The following ERC1 variants were observed in gnomAD, a reference collection of about 807,000 sequenced individuals.
The protein encoded by ERC1 is ELKS/RAB6-interacting/CAST family member 1, also known as RAB6 interacting protein 2.
In ERC1, 56 loss-of-function variants were observed where a neutral mutation model predicts 132.0. The ratio of observed to expected loss-of-function variants is 0.42; its 90% CI spans 0.34 to 0.53. ERC1 has a LOEUF of 0.53. Among genes scored for constraint, ERC1 ranks in the 20% least tolerant of loss-of-function variants. The probability of loss-of-function intolerance (pLI) is 0.03; values close to 1 mark genes in which losing one functional copy is unlikely to be tolerated. For synonymous variants in ERC1, 478 were observed against 476.1 expected (o/e 1.00, Z -0.05); for missense variants, 1,202 against 1,349.9 (o/e 0.89, Z 1.72).
At chr12:1,080,219 C>T (rs1941987679) in intron 2 of ERC1, among the ~76,000 whole-genome samples, 1 of 152,170 alleles carries the variant, frequency 6.6e-6, no homozygotes, top group African/African-American at 2.4e-5. Context: ...TCCCATCTAT[C>T]TCCAGAACTC....
chr12:1,303,074 T>G (rs2080535485), intron 15 of ERC1, among the ~76,000 whole-genome samples: 1 of 152,220 alleles, frequency 6.6e-6, no homozygotes, highest in Admixed American at 6.5e-5. Flanking sequence ...AAAATTCTCC[T>G]GATCATCTTG....
intron 8 of ERC1, among the ~76,000 whole-genome samples, chr12:1,165,463 G>A (rs1470200693): frequency 3.9e-5 from 6 of 151,942 alleles, no homozygotes; most frequent in South Asian, 4.2e-4. Flanking sequence ...CTGCCACCAT[G>A]CCCGGCGAAT....
At chr12:1,133,478 G>A (rs1333942250) in intron 7 of ERC1, among the ~76,000 whole-genome samples, 1 of 152,138 alleles carries the variant, frequency 6.6e-6, no homozygotes, top group African/African-American at 2.4e-5. Flanking sequence ...GGCTTGAGCT[G>A]TGCCTGAATG....
intron 17 of ERC1, among the ~76,000 whole-genome samples, chr12:1,432,228 C>A (rs1378231946): frequency 6.6e-6 from 1 of 152,220 alleles, no homozygotes; most frequent in Non-Finnish European, 1.5e-5. Context: ...GTGAAAGCAG[C>A]CATAGGCAAT....
Position 1,113,092 on chromosome 12 carries a change from C to T in ERC1, c.1401+794C>T, listed in dbSNP as rs756138090. Among the ~76,000 whole-genome samples, 87 of 152,016 alleles carry T rather than the reference C, an allele frequency of 5.7e-4. 1 individual carries two copies. The highest frequency in any genetic ancestry group is 3.1e-4 in the Non-Finnish European group (21 of 68,004). ...CATTGTAAATATTTACATTGTATTA[C>T]GTATTACAAGTAATCTAGAGATGAT... On this transcript the variant is annotated intron_variant, in intron 6 of 18. Coordinates refer to ENST00000360905, the MANE Select transcript of ERC1 (RefSeq NM_178040.4).
intron 15 of ERC1, among the ~76,000 whole-genome samples, chr12:1,364,729 G>A (rs1052850779): frequency 6.6e-6 from 1 of 152,086 alleles, no homozygotes; most frequent in Non-Finnish European, 1.5e-5. Context: ...AGTATATTTG[G>A]CACTTAGCAT....
chr12:1,384,861 C>T (rs928964246), intron 16 of ERC1, among the ~76,000 whole-genome samples: 3 of 152,088 alleles, frequency 2.0e-5, no homozygotes, highest in Admixed American at 6.6e-5. Flanking sequence ...TTCTTGGTCT[C>T]CCAGAAAATT....
At chr12:1,226,490 T>C (rs1197646660) in intron 12 of ERC1, among the ~76,000 whole-genome samples, 1 of 152,190 alleles carries the variant, frequency 6.6e-6, no homozygotes, top group Non-Finnish European at 1.5e-5. Context: ...TTATTAATTA[T>C]AGTCTACCAT....
chr12:1,252,345 A>G (rs951732617), intron 13 of ERC1, among the ~76,000 whole-genome samples: 1 of 152,152 alleles, frequency 6.6e-6, no homozygotes, highest in African/African-American at 2.4e-5. Context: ...TAAGGAAAAG[A>G]TATTTTTGGG....
chr12:1,445,147 G>T (rs913250757), intron 18 of ERC1: 1 of 159,696 alleles, frequency 6.3e-6, no homozygotes, highest in African/African-American at 2.4e-5. Flanking sequence ...TTTTGTGTGT[G>T]TGTGGTGAAA....
chr12:1,435,084 G>A (rs1195166471), intron 17 of ERC1, among the ~76,000 whole-genome samples: 5 of 152,204 alleles, frequency 3.3e-5, no homozygotes, highest in African/African-American at 1.2e-4. Context: ...CTCCCAAGGT[G>A]AGAGGGTTGA....
rs190388498 is a variant in ERC1 at position 1,042,459 on chromosome 12, C to T, written c.669+13887C>T. 3.4e-5 allele frequency among the ~76,000 whole-genome samples: 5 copies of T among 149,098 alleles called. No homozygotes were observed. In the East Asian group the frequency reaches 8.2e-4, roughly 24 times the overall value. ...CTCCCGGGTTCAACCGGTTCTCTTG[C>T]TTCAGCCTCCAGAGTAGCTGGGATT... On this transcript the variant is annotated intron_variant, in intron 2 of 18. Transcript: ENST00000360905.
intron 18 of ERC1, among the ~76,000 whole-genome samples, chr12:1,467,261 C>T (rs574806502): frequency 2.0e-5 from 3 of 152,192 alleles, no homozygotes; most frequent in South Asian, 4.2e-4. Context: ...TTCAGTGGTT[C>T]GGTTTGTTCC....
intron 8 of ERC1, among the ~76,000 whole-genome samples, chr12:1,165,369 G>A (rs1593873988): frequency 6.6e-6 from 1 of 151,596 alleles, no homozygotes; most frequent in Non-Finnish European, 1.5e-5. Context: ...GCAGTGGCGC[G>A]ATCTTGGCTC....
intron 3 of ERC1, among the ~76,000 whole-genome samples, chr12:1,093,509 A>G (rs756200324): frequency 9.9e-5 from 15 of 152,204 alleles, no homozygotes; most frequent in Non-Finnish European, 1.6e-4. Context: ...TGGGTCTTCA[A>G]TCCATATGCA....
At chr12:1,400,060 T>C (rs2154386730) in intron 16 of ERC1, among the ~76,000 whole-genome samples, 1 of 152,160 alleles carries the variant, frequency 6.6e-6, no homozygotes, top group South Asian at 2.1e-4. Context: ...TGACTTTTAA[T>C]AGCCACCCTG....
At chr12:1,043,048 CT>C (rs397940397) in intron 2 of ERC1, among the ~76,000 whole-genome samples, 221 of 118,928 alleles carry the variant, frequency 1.9e-3, no homozygotes, top group Non-Finnish European at 2.2e-3. Context: ...CTTTTCTTTT[CT>C]TTTTTTTTTT....
At position 1,348,692 on chromosome 12, in the gene ERC1, TA is replaced by T. The variant is rs79204701; in HGVS notation, c.2781-23127del. On this transcript the variant is annotated intron_variant, in intron 15 of 18. Coordinates refer to ENST00000360905, the MANE Select transcript of ERC1 (RefSeq NM_178040.4). ...CAGGCAACAGAGTGAAGACTCCATC[TA>T]AAAAAAAAAAAAAGTATAATGTCTC... is the stretch of plus-strand genomic sequence containing the variant. Among the ~76,000 whole-genome samples the T allele has an allele frequency of 7.9e-3, 1,095 of 138,600 alleles. 4 individuals are homozygous for T. Among genetic ancestry groups the T allele is most frequent in the African/African-American group, 0.014 (534 of 38,170 alleles). 90.9% of individuals were successfully genotyped at this position (138,600 alleles called of 152,430 possible).
chr12:1,073,030 G>A lies in ERC1; in HGVS notation c.670-10134G>A, dbSNP rs373231471. 8.9e-4 allele frequency among the ~76,000 whole-genome samples: 136 copies of A among 152,192 alleles called. 4 individuals carry two copies. In the South Asian group the frequency reaches 0.026, roughly 29 times the overall value. On this transcript the variant is annotated intron_variant, in intron 2 of 18. Transcript: ENST00000360905. ...AAAAATAAATTTTCAGGCCAGGTGC[G>A]GTGGCTCATGCCTGTAATCCCAGCA...
Sources: gnomAD v4.1 joint callset for allele counts (sites outside exome capture counted in the v4.1 genomes callset) on GRCh38, gnomAD v4.1.1 for gene constraint, MANE v1.5 for transcripts, NCBI Gene and HGNC (gene_info 2026-07-23, HGNC 2026-07-21) for gene names.